Variants in NAA25 observed in about 807,000 individuals in gnomAD.
NAA25 encodes N-alpha-acetyltransferase 25, NatB auxiliary subunit, also known as N-terminal acetyltransferase B complex subunit NAA25.
A neutral mutation model predicts 132.5 loss-of-function variants in NAA25; 30 were observed. The ratio of observed to expected loss-of-function variants is 0.23; its 90% CI spans 0.17 to 0.31. The LOEUF is 0.31. Ranked by LOEUF, NAA25 falls within the 10% of genes least tolerant of loss-of-function variation. NAA25 has a pLI of 1.00. For synonymous variants in NAA25, 359 were observed against 401.9 expected (o/e 0.89, Z 1.28); for missense variants, 771 against 1,150.4 (o/e 0.67, Z 4.77).
intron 7 of NAA25, 97 bp downstream of exon 7, chr12:112,078,089 TTA>T (rs1222145251): frequency 3.9e-6 from 3 of 769,692 alleles, no homozygotes; most frequent in South Asian, 3.2e-5. Flanking sequence ...TCAAAAGTGT[TTA>T]TGTCTTTATA....
rs2078116271 is a variant in NAA25 at position 112,029,004 on chromosome 12, C to T, written c.*527G>A. On this transcript the variant is annotated 3_prime_UTR_variant, in exon 24 of 24. Transcript: ENST00000261745. The stretch of plus-strand genomic sequence containing the variant: ...ATCTCATCTAAGGTCCTTTGTGTAC[C>T]TGCCTTGGGTTCTGTGGGAGCCAAG... 6.5e-6 allele frequency: 1 copy of T among 154,862 alleles called. No homozygotes were observed. The highest frequency in any genetic ancestry group is 2.4e-5 in the African/African-American group (1 of 41,436). 9.6% of individuals were successfully genotyped at this position (154,862 alleles called of 1,614,324 possible).
At chr12:112,039,157 G>A in intron 22 of NAA25, 72 bp downstream of exon 22, 1 of 931,528 alleles carries the variant, frequency 1.1e-6, no homozygotes, top group Non-Finnish European at 1.6e-6. Context: ...CAACATGGAG[G>A]AAAACAGTGA....
intron 22 of NAA25, among the ~76,000 whole-genome samples, chr12:112,036,045 T>A (rs564298522): frequency 2.0e-5 from 3 of 152,250 alleles, no homozygotes; most frequent in Non-Finnish European, 1.5e-5. Flanking sequence ...CCCCCATTGA[T>A]AGTAACAGCA....
Position 112,053,601 on chromosome 12 carries a change from G to A in NAA25, c.1685C>T (p.Ser562Phe). 6.2e-7 allele frequency: 1 copy of A among 1,608,852 alleles called. No homozygotes were observed. Among genetic ancestry groups the A allele is most frequent in the Non-Finnish European group, 8.5e-7 (1 of 1,177,202 alleles). Residue 562 changes from serine (S) to phenylalanine (F), a missense_variant, in exon 15 of 24, where the codon TCC becomes TTC. By Grantham distance (155) the Ser-to-Phe change is radical. Transcript: ENST00000261745. ...SLGQYAAASQ[S>F]CNFALRFFHS... ...AAAAAACCTGAGTGCGAAGTTACAG[G>A]ATTGGGACGCAGCAGCATACTGACC...
intron 22 of NAA25, among the ~76,000 whole-genome samples, chr12:112,037,311 T>C (rs1302275236): frequency 8.0e-6 from 1 of 125,650 alleles, no homozygotes; most frequent in East Asian, 2.2e-4. Context: ...TATATATATA[T>C]ATATATATAT....
intron 1 of NAA25, among the ~76,000 whole-genome samples, chr12:112,107,959 G>A (rs2079388222): frequency 6.6e-6 from 1 of 152,332 alleles, no homozygotes; most frequent in East Asian, 1.9e-4. Flanking sequence ...GAGTTGTGGA[G>A]AGGGATCTGC....
chr12:112,101,351 G>A (rs531237156), intron 1 of NAA25, among the ~76,000 whole-genome samples: 4 of 152,124 alleles, frequency 2.6e-5, no homozygotes, highest in Admixed American at 2.0e-4. Flanking sequence ...CATCTATATT[G>A]TGCCTAACAC....
intron 22 of NAA25, chr12:112,034,129 T>C (rs908601366): frequency 6.6e-6 from 1 of 152,208 alleles, no homozygotes; most frequent in African/African-American, 2.4e-5. Context: ...TACAAATGTA[T>C]ATATGCATAT....
intron 13 of NAA25, among the ~76,000 whole-genome samples, chr12:112,058,134 G>A (rs1437808444): frequency 1.3e-5 from 2 of 151,658 alleles, no homozygotes; most frequent in Non-Finnish European, 2.9e-5. Context: ...GCAATAGAGC[G>A]AGACTCCATC....
At position 112,029,562 on chromosome 12, in the gene NAA25, C is replaced by A. The variant is rs770023149; in HGVS notation, c.2888G>T (p.Arg963Ile). The A allele has an allele frequency of 1.1e-5, 18 of 1,613,822 alleles. No individual in the cohort carries two copies. Among genetic ancestry groups the A allele is most frequent in the Admixed American group, 6.7e-5 (4 of 59,986 alleles). The change falls in exon 24 of 24, where the codon AGA (arginine) becomes ATA (isoleucine). Residue 963 changes from arginine to isoleucine, a missense_variant. Arg to Ile is a moderately conservative substitution (Grantham distance 97). Coordinates refer to ENST00000261745, the MANE Select transcript of NAA25 (RefSeq NM_024953.4). ...TTTTAGTTTCTTTGTGGTCTCAAGT[C>A]TTTTTTTCAGCAGCTCCCCCATTTC... Reference protein sequence around the residue: ...LLEMGELLKKRLETTKKLKI With the variant: ...LLEMGELLKKILETTKKLKI
chr12:112,096,267 G>A (rs2136937767), intron 1 of NAA25, among the ~76,000 whole-genome samples: 2 of 152,280 alleles, frequency 1.3e-5, no homozygotes, highest in South Asian at 4.1e-4. Context: ...ATACAATGAT[G>A]ACTGAACACA....
intron 8 of NAA25, among the ~76,000 whole-genome samples, chr12:112,075,293 A>G (rs2078880252): frequency 6.6e-6 from 1 of 151,604 alleles, no homozygotes; most frequent in African/African-American, 2.4e-5. Flanking sequence ...GGTTCAAGCG[A>G]TTCTTGTGCC....
intron 17 of NAA25, among the ~76,000 whole-genome samples, 154 bp downstream of exon 17, chr12:112,047,511 C>A (rs368866212): frequency 6.6e-6 from 1 of 152,122 alleles, no homozygotes; most frequent in African/African-American, 2.4e-5. Flanking sequence ...CAATTACAGG[C>A]CTGAGCCACC....
At chr12:112,108,059 C>G (rs1302572030) in intron 1 of NAA25, among the ~76,000 whole-genome samples, 2 of 152,024 alleles carry the variant, frequency 1.3e-5, no homozygotes, top group African/African-American at 4.8e-5. Flanking sequence ...CCCTCTGACA[C>G]GAGCTATCAC....
chr12:112,030,778 G>A (rs2078139547), intron 23 of NAA25, among the ~76,000 whole-genome samples: 1 of 152,220 alleles, frequency 6.6e-6, no homozygotes, highest in Non-Finnish European at 1.5e-5. Flanking sequence ...AGAAAGGTGT[G>A]CACAAATACA....
intron 1 of NAA25, among the ~76,000 whole-genome samples, chr12:112,100,600 A>G (rs1321920864): frequency 7.6e-6 from 1 of 131,232 alleles, no homozygotes; most frequent in Non-Finnish European, 1.6e-5. Flanking sequence ...TTTCACAGGT[A>G]TTGATTCCAT....
intron 3 of NAA25, among the ~76,000 whole-genome samples, chr12:112,089,720 C>T (rs2079104334): frequency 6.6e-6 from 1 of 151,892 alleles, no homozygotes; most frequent in African/African-American, 2.4e-5. Context: ...AGGCCAGGTG[C>T]ACTTGGCTCA....
intron 22 of NAA25, chr12:112,037,576 C>T (rs1156251312): frequency 2.8e-5 from 4 of 143,044 alleles, no homozygotes; most frequent in African/African-American, 5.1e-5. Flanking sequence ...GAAAAAGGCA[C>T]CTTTATAAAG....
At chr12:112,043,452 T>A (rs917702640) in intron 18 of NAA25, among the ~76,000 whole-genome samples, 173 bp downstream of exon 18, 1 of 152,230 alleles carries the variant, frequency 6.6e-6, no homozygotes, top group East Asian at 1.9e-4. Flanking sequence ...AGTCTGGATA[T>A]TGAGGAAGCC....
Sources: allele counts gnomAD v4.1 joint callset (sites outside exome capture counted in the v4.1 genomes callset), GRCh38; gene constraint gnomAD v4.1.1; transcripts MANE v1.5; gene names NCBI Gene and HGNC (gene_info 2026-07-23, HGNC 2026-07-21).